The following UXS1 variants were observed in gnomAD, a reference collection of about 807,000 sequenced individuals.
UXS1 encodes the protein UDP-glucuronic acid decarboxylase 1.
In UXS1, 33 loss-of-function variants were observed where a neutral mutation model predicts 62.6. The ratio of observed to expected loss-of-function variants is 0.53; its 90% confidence interval spans 0.40 to 0.70. The LOEUF is 0.70. Ranked by LOEUF, UXS1 falls within the 30% of genes least tolerant of loss-of-function variation. The pLI is 0.00. For synonymous variants in UXS1, 213 were observed against 206.8 expected (o/e 1.03, Z -0.26); for missense variants, 434 against 556.3 (o/e 0.78, Z 2.21).
At chr2:106,192,776 T>C (rs1685013299) in intron 1 of UXS1, among the ~76,000 whole-genome samples, 2 of 152,168 alleles carry the variant, frequency 1.3e-5, no homozygotes, top group South Asian at 2.1e-4. Context: ...TCTCTTGGCC[T>C]TAACTTCCTC....
At chr2:106,180,222 T>C (rs1684154813) in intron 1 of UXS1, among the ~76,000 whole-genome samples, 2 of 152,336 alleles carry the variant, frequency 1.3e-5, no homozygotes, top group East Asian at 1.9e-4. Context: ...AATGGTACAA[T>C]GCAAAGGAAA....
chr2:106,181,301 GA>G (rs374622619), intron 1 of UXS1, among the ~76,000 whole-genome samples: 27 of 152,312 alleles, frequency 1.8e-4, no homozygotes, highest in African/African-American at 6.3e-4. Context: ...ATCTCTCTCT[GA>G]AAACTGCTAA....
At chr2:106,194,012 A>G (rs2104317381) in intron 1 of UXS1, 136 bp downstream of exon 1, 2 of 537,146 alleles carry the variant, frequency 3.7e-6, no homozygotes, top group Non-Finnish European at 5.6e-6. Flanking sequence ...GGGAGCAGAA[A>G]GCGCCGGCCC....
chr2:106,153,400 A>G (rs1682187892), intron 5 of UXS1, among the ~76,000 whole-genome samples: 1 of 152,218 alleles, frequency 6.6e-6, no homozygotes, highest in Non-Finnish European at 1.5e-5. Flanking sequence ...TGAGCCTGTT[A>G]GACCCACCAT....
chr2:106,126,155 C>T (rs182384579), intron 7 of UXS1, among the ~76,000 whole-genome samples: 206 of 152,318 alleles, frequency 1.4e-3, no homozygotes, highest in African/African-American at 4.6e-3. Context: ...TCCTCCTATG[C>T]GGTTCAGCTT....
intron 11 of UXS1, 75 bp from the exon 12 acceptor site, chr2:106,101,193 C>A: frequency 2.0e-6 from 3 of 1,481,656 alleles, no homozygotes; most frequent in Non-Finnish European, 2.7e-6. Context: ...TAGAAGCCCT[C>A]CCAGAAGAAA....
At chr2:106,117,846 G>A (rs111700145) in intron 9 of UXS1, among the ~76,000 whole-genome samples, 32 of 152,336 alleles carry the variant, frequency 2.1e-4, no homozygotes, top group South Asian at 4.1e-4. Context: ...AAACTAAGGC[G>A]ACTGCAGAAT....
intron 13 of UXS1, chr2:106,097,582 T>C (rs10206195): frequency 0.75 from 172,245 of 231,168 alleles, 64,881 homozygotes; most frequent in Non-Finnish European, 0.78. Flanking sequence ...TTTCAAATAG[T>C]GTTTCTCAAG....
chr2:106,106,553 A>T (rs889126516), intron 10 of UXS1, among the ~76,000 whole-genome samples: 1 of 152,154 alleles, frequency 6.6e-6, no homozygotes, highest in South Asian at 2.1e-4. Flanking sequence ...AAGGCTGGGG[A>T]TACTGAGGAA....
chr2:106,190,634 T>A (rs1224802728), intron 1 of UXS1, among the ~76,000 whole-genome samples: 1 of 150,306 alleles, frequency 6.7e-6, no homozygotes, highest in East Asian at 2.0e-4. Context: ...TCCCAGCTAC[T>A]CAGGAGGCTG....
chr2:106,115,947 T>C (rs371545246), intron 9 of UXS1, among the ~76,000 whole-genome samples: 1 of 152,132 alleles, frequency 6.6e-6, no homozygotes, highest in South Asian at 2.1e-4. Context: ...GACACTAGGA[T>C]TGCAAGGAAC....
At chr2:106,104,616 A>C (rs147884513) in intron 11 of UXS1, among the ~76,000 whole-genome samples, 178 bp downstream of exon 11, 1 of 152,368 alleles carries the variant, frequency 6.6e-6, no homozygotes, top group East Asian at 1.9e-4. Flanking sequence ...TGCAAATTTT[A>C]ACTTTTAAAC....
chr2:106,141,864 TGTTTTTTTTTTG>T (rs1380616353), intron 6 of UXS1, among the ~76,000 whole-genome samples: 5 of 75,066 alleles, frequency 6.7e-5, no homozygotes, highest in South Asian at 1.1e-3. Flanking sequence ...TTAGCTTCAG[TGTTTTTTTTTTG>T]GTTTTTTTTT....
At chr2:106,156,316 C>T (rs747001350) in intron 5 of UXS1, among the ~76,000 whole-genome samples, 5 of 152,060 alleles carry the variant, frequency 3.3e-5, no homozygotes, top group Non-Finnish European at 2.9e-5. Flanking sequence ...CAGAGAAATG[C>T]AAATCCAAAC....
intron 4 of UXS1, among the ~76,000 whole-genome samples, chr2:106,159,668 G>T (rs928871024): frequency 2.6e-5 from 4 of 152,184 alleles, no homozygotes; most frequent in African/African-American, 9.6e-5. Flanking sequence ...AATTGGAAAG[G>T]TGTTGTGCCA....
At chr2:106,183,738 T>G (rs567265986) in intron 1 of UXS1, 51 of 152,272 alleles carry the variant, frequency 3.3e-4, no homozygotes, top group African/African-American at 1.2e-3. Context: ...AGTTATCAGC[T>G]CTTTAGAGAA....
chr2:106,146,870 T>C (rs6733804), intron 5 of UXS1, among the ~76,000 whole-genome samples: 132,081 of 151,560 alleles, frequency 0.87, 58,021 homozygotes, highest in Non-Finnish European at 0.94. Context: ...AAAATGAAAT[T>C]TGGGTTGGGT....
chr2:106,141,865 GT>G lies in UXS1; in HGVS notation c.472+3324del, dbSNP rs11448932. On this transcript the variant is annotated intron_variant, in intron 6 of 14. Transcript: ENST00000283148. ...AAAACAACTGGATGTTAGCTTCAGT[GT>G]TTTTTTTTTGGTTTTTTTTTTTGAG... 2.1e-5 allele frequency among the ~76,000 whole-genome samples: 3 copies of G among 145,388 alleles called. No homozygotes were observed. In the East Asian group the frequency reaches 6.2e-4, roughly 30 times the overall value.
At chr2:106,138,893 T>C (rs1489259327) in intron 6 of UXS1, 5 of 984,520 alleles carry the variant, frequency 5.1e-6, no homozygotes, top group Non-Finnish European at 6.0e-6. Context: ...AAAAGGGCAC[T>C]GCAGCAGAGT....
Sources: gnomAD v4.1 joint callset for allele counts (sites outside exome capture counted in the v4.1 genomes callset) on GRCh38, gnomAD v4.1.1 for gene constraint, MANE v1.5 for transcripts, NCBI Gene and HGNC (gene_info 2026-07-23, HGNC 2026-07-21) for gene names.